SLC35F4: variants seen among roughly 807,000 people sequenced by gnomAD.
SLC35F4 encodes the protein chromosome 14 open reading frame 36.
SLC35F4 carries 24 observed loss-of-function variants against 44.2 expected under a neutral mutation model. The ratio of observed to expected loss-of-function variants is 0.54; its 90% CI spans 0.39 to 0.76. SLC35F4 has a LOEUF of 0.76. SLC35F4 is among the 30% of genes least tolerant of loss of function. The pLI, the probability that SLC35F4 is intolerant of heterozygous loss-of-function variation, is 0.00. For missense variants in SLC35F4, 562 were observed against 586.1 expected (o/e 0.96, Z 0.42); for synonymous variants, 238 against 223.6 (o/e 1.06, Z -0.57).
chr14:57,667,736 G>T (rs1299714152), intron 1 of SLC35F4, among the ~76,000 whole-genome samples: 1 of 151,602 alleles, frequency 6.6e-6, no homozygotes, highest in Non-Finnish European at 1.5e-5. Flanking sequence ...GTCTATCATT[G>T]TTGGACATTT....
At chr14:57,854,454 G>T in intron 1 of SLC35F4, among the ~76,000 whole-genome samples, 1 of 152,068 alleles carries the variant, frequency 6.6e-6, no homozygotes. Flanking sequence ...GCTAAAAAAA[G>T]AACTGTCTTT....
chr14:57,896,476 T>C (rs1045743702), intron 1 of SLC35F4, among the ~76,000 whole-genome samples: 1 of 152,206 alleles, frequency 6.6e-6, no homozygotes, highest in Non-Finnish European at 1.5e-5. Flanking sequence ...GGAAACCCTC[T>C]AGGATGCTAG....
chr14:57,975,771 G>A (rs1193345997), downstream of SLC35F4, among the ~76,000 whole-genome samples: 1 of 152,194 alleles, frequency 6.6e-6, no homozygotes, highest in African/African-American at 2.4e-5. Flanking sequence ...TGAAGGTTGT[G>A]GTTGAAAATT....
chr14:57,898,197 A>G (rs746992727), intron 1 of SLC35F4, among the ~76,000 whole-genome samples: 1 of 152,244 alleles, frequency 6.6e-6, no homozygotes, highest in Non-Finnish European at 1.5e-5. Flanking sequence ...AGTTTGCTAG[A>G]CTAACAAGGT....
At chr14:57,705,818 A>C (rs1594841453) in intron 1 of SLC35F4, among the ~76,000 whole-genome samples, 1 of 152,180 alleles carries the variant, frequency 6.6e-6, no homozygotes, top group Non-Finnish European at 1.5e-5. Context: ...TCCTACTGGG[A>C]AACTAACATA....
chr14:57,631,619 A>G (rs1215891484), intron 1 of SLC35F4, among the ~76,000 whole-genome samples: 1 of 152,108 alleles, frequency 6.6e-6, no homozygotes, highest in Non-Finnish European at 1.5e-5. Context: ...GCAAGTTGAA[A>G]GACAACATTC....
At chr14:57,854,381 T>C (rs1442259416) in intron 1 of SLC35F4, among the ~76,000 whole-genome samples, 2 of 152,196 alleles carry the variant, frequency 1.3e-5, no homozygotes, top group African/African-American at 2.4e-5. Flanking sequence ...TGTAACATAA[T>C]GATATATTTT....
At chr14:57,925,113 C>T (rs542237141) in intron 1 of SLC35F4, among the ~76,000 whole-genome samples, 26 of 152,072 alleles carry the variant, frequency 1.7e-4, no homozygotes, top group Non-Finnish European at 2.4e-4. Context: ...TCACTCATCC[C>T]GCACCCTCCC....
chr14:57,906,309 A>G (rs1465984729), intron 1 of SLC35F4, among the ~76,000 whole-genome samples: 1 of 152,242 alleles, frequency 6.6e-6, no homozygotes, highest in East Asian at 1.9e-4. Context: ...AGAGAAATGT[A>G]TAAGACTGGC....
intron 1 of SLC35F4, among the ~76,000 whole-genome samples, chr14:57,970,808 T>C (rs1310374308): frequency 6.6e-6 from 1 of 152,154 alleles, no homozygotes; most frequent in African/African-American, 2.4e-5. Flanking sequence ...CAGGACAGCC[T>C]CTCTAGTCAG....
At chr14:57,979,136 A>G (rs901773983) in intron 1 of SLC35F4, among the ~76,000 whole-genome samples, 1 of 152,230 alleles carries the variant, frequency 6.6e-6, no homozygotes, top group African/African-American at 2.4e-5. Context: ...CAAGCAACCT[A>G]TAACAATGAA....
intron 1 of SLC35F4, among the ~76,000 whole-genome samples, chr14:57,824,660 G>T (rs1006146396): frequency 9.2e-5 from 14 of 152,128 alleles, no homozygotes; most frequent in Non-Finnish European, 8.8e-5. Context: ...GATATCTGGG[G>T]GAAGAGTGTT....
chr14:57,964,983 A>AT lies in SLC35F4; in HGVS notation n.282+16929_282+16930insA, dbSNP rs1555331511. 5.5e-4 allele frequency among the ~76,000 whole-genome samples: 73 copies of AT among 132,764 alleles called. 1 individual carries two copies. The East Asian group carries it at 7.7e-3, about 14-fold the overall frequency. 87.1% of individuals were successfully genotyped at this position (132,764 alleles called of 152,430 possible). ...TAATGCTCCCATGGGGGAAAAAAAA[A>AT]AAAAAAAAATATATATATATATATA... On this transcript the variant is annotated intron_variant and non_coding_transcript_variant, in intron 1 of 1. Coordinates refer to the SLC35F4 transcript ENST00000556568.
At chr14:57,576,151 A>T (rs2068778451) in intron 4 of SLC35F4, among the ~76,000 whole-genome samples, 1 of 152,190 alleles carries the variant, frequency 6.6e-6, no homozygotes, top group South Asian at 2.1e-4. Flanking sequence ...TAACAGTACC[A>T]GCTCTTTTAG....
chr14:57,804,643 G>A (rs1336102505), intron 1 of SLC35F4, among the ~76,000 whole-genome samples: 7 of 152,138 alleles, frequency 4.6e-5, no homozygotes, highest in African/African-American at 1.7e-4. Context: ...GGACTTAAAT[G>A]TAAAACCCAA....
intron 1 of SLC35F4, among the ~76,000 whole-genome samples, chr14:57,648,718 C>A (rs1440229385): frequency 6.6e-6 from 1 of 152,154 alleles, no homozygotes; most frequent in Non-Finnish European, 1.5e-5. Context: ...GTATTTGTTT[C>A]TTTCTGAAAA....
At chr14:57,584,966 T>TAAAAATTTTACAATGCAAGATC (rs1418235629) in intron 3 of SLC35F4, among the ~76,000 whole-genome samples, 1 of 152,206 alleles carries the variant, frequency 6.6e-6, no homozygotes, top group Admixed American at 6.5e-5. Flanking sequence ...AAATACTGTT[T>TAAAAATTTTACAATGCAAGATC]AAAAATTTTA....
At chr14:57,833,158 CCAT>C (rs1430563122) in intron 1 of SLC35F4, among the ~76,000 whole-genome samples, 1 of 152,148 alleles carries the variant, frequency 6.6e-6, no homozygotes, top group Non-Finnish European at 1.5e-5. Flanking sequence ...GTCATTGTCA[CCAT>C]CATCATCCTT....
At position 57,825,297 on chromosome 14, in the gene SLC35F4, A is replaced by G. The variant is rs1440184451; in HGVS notation, c.103+40426T>C. Among the ~76,000 whole-genome samples, 7 of 152,202 alleles carry G rather than the reference A, an allele frequency of 4.6e-5. No homozygotes were observed. In the South Asian group the frequency reaches 1.4e-3, roughly 31 times the overall value. On this transcript the variant is annotated intron_variant, in intron 1 of 7. Transcript: ENST00000556826. Reference sequence around the variant, plus strand: ...GCTTAAGCCTTAGAAATGTCTGGGAAATAATCATTTGGCTACATTAAAAGG... The same window carrying G: ...GCTTAAGCCTTAGAAATGTCTGGGAGATAATCATTTGGCTACATTAAAAGG...
Sources: allele counts gnomAD v4.1 joint callset (sites outside exome capture counted in the v4.1 genomes callset), GRCh38; gene constraint gnomAD v4.1.1; transcripts MANE v1.5; gene names NCBI Gene and HGNC (gene_info 2026-07-23, HGNC 2026-07-21).